The following NRXN3 variants were observed in gnomAD, a reference collection of about 807,000 sequenced individuals.
NRXN3 encodes the protein neurexin 3, also known as neurexin III.
Under a neutral mutation model 137.6 loss-of-function variants are expected in NRXN3, and 32 were observed. The observed-to-expected ratio is 0.23, with a 90% CI of 0.18 to 0.31. The LOEUF (loss-of-function observed/expected upper bound fraction) is 0.31. Among genes scored for constraint, NRXN3 ranks in the 10% least tolerant of loss-of-function variants. The pLI is 1.00. For missense variants in NRXN3, 1,574 were observed against 2,062.5 expected (o/e 0.76, Z 4.59); for synonymous variants, 798 against 784.5 (o/e 1.02, Z -0.29).
rs555322347 is a variant in NRXN3 at position 78,314,663 on chromosome 14, A to T, written c.757+16803A>T. 2.0e-5 allele frequency among the ~76,000 whole-genome samples: 3 copies of T among 152,278 alleles called. No homozygotes were observed. The South Asian group carries it at 6.2e-4, about 32-fold the overall frequency. Reference sequence around the variant, plus strand: ...TTATCTCTGTGCTCAGGAGAACAGGATAAGGGGCCTGGTGGCTACAGTGAC... The same window carrying T: ...TTATCTCTGTGCTCAGGAGAACAGGTTAAGGGGCCTGGTGGCTACAGTGAC... On this transcript the variant is annotated intron_variant, in intron 4 of 20. Transcript: ENST00000335750.
intron 14 of NRXN3, among the ~76,000 whole-genome samples, chr14:78,973,929 A>G (rs1333370314): frequency 6.6e-6 from 1 of 152,212 alleles, no homozygotes; most frequent in Non-Finnish European, 1.5e-5. Context: ...GTTATATGCC[A>G]TGTAGCTAAC....
chr14:79,450,450 A>G (rs953473566), intron 15 of NRXN3, among the ~76,000 whole-genome samples: 2 of 152,232 alleles, frequency 1.3e-5, no homozygotes, highest in African/African-American at 4.8e-5. Flanking sequence ...ACAAAAAATA[A>G]TAAGTATCTG....
intron 15 of NRXN3, among the ~76,000 whole-genome samples, chr14:79,036,236 C>T (rs898090479): frequency 6.6e-6 from 1 of 152,022 alleles, no homozygotes; most frequent in Non-Finnish European, 1.5e-5. Flanking sequence ...TCTTATAACA[C>T]AATTTCAAAG....
intron 19 of NRXN3, among the ~76,000 whole-genome samples, chr14:79,698,585 A>G (rs2098743347): frequency 1.3e-5 from 2 of 152,028 alleles, no homozygotes; most frequent in Non-Finnish European, 2.9e-5. Flanking sequence ...TTTTTGTGGC[A>G]GTTTTTTTCC....
intron 4 of NRXN3, among the ~76,000 whole-genome samples, chr14:78,363,641 G>A (rs371148924): frequency 3.9e-5 from 6 of 152,074 alleles, no homozygotes; most frequent in Admixed American, 2.0e-4. Context: ...TTCCTATTCG[G>A]CCCATGATAA....
intron 4 of NRXN3, among the ~76,000 whole-genome samples, chr14:78,498,666 C>G (rs564473425): frequency 6.6e-6 from 1 of 152,224 alleles, no homozygotes; most frequent in African/African-American, 2.4e-5. Context: ...AATGGAGTAC[C>G]TCTAGAAAAA....
intron 1 of NRXN3, among the ~76,000 whole-genome samples, chr14:78,217,724 C>A (rs4903727): frequency 0.23 from 35,544 of 152,094 alleles, 4,332 homozygotes; most frequent in East Asian, 0.47. Flanking sequence ...TGCAGCGGTG[C>A]GATCTTGGCT....
intron 19 of NRXN3, among the ~76,000 whole-genome samples, chr14:79,725,821 T>G (rs982287577): frequency 1.3e-5 from 2 of 152,166 alleles, no homozygotes; most frequent in African/African-American, 4.8e-5. Flanking sequence ...CTCTACAGTG[T>G]TTTCTGACAG....
chr14:78,805,673 A>G (rs918737069), intron 9 of NRXN3, among the ~76,000 whole-genome samples: 10 of 152,046 alleles, frequency 6.6e-5, no homozygotes, highest in African/African-American at 2.4e-4. Context: ...GACAATTTTT[A>G]TCTCTGGATC....
chr14:78,915,645 A>G (rs1038877436), intron 10 of NRXN3, among the ~76,000 whole-genome samples: 3 of 152,158 alleles, frequency 2.0e-5, no homozygotes, highest in Non-Finnish European at 4.4e-5. Context: ...TCACTGAAAG[A>G]TTCAGATCAG....
chr14:79,504,031 T>C (rs2096849471), intron 16 of NRXN3, among the ~76,000 whole-genome samples: 1 of 152,210 alleles, frequency 6.6e-6, no homozygotes, highest in Admixed American at 6.5e-5. Flanking sequence ...GTTTTGGAGT[T>C]CCACAACAGT....
rs145867263 is a variant in NRXN3 at position 79,807,661 on chromosome 14, G to A, written c.4093+2471G>A. 1.1e-3 allele frequency among the ~76,000 whole-genome samples: 164 copies of A among 152,282 alleles called. 2 individuals are homozygous for A. Among genetic ancestry groups the A allele is most frequent in the African/African-American group, 1.7e-3 (71 of 41,566 alleles). On this transcript the variant is annotated intron_variant, in intron 20 of 20. Coordinates refer to ENST00000335750, the MANE Select transcript of NRXN3 (RefSeq NM_001330195.2). Reference sequence around the variant, plus strand: ...GGAGATACAGTTTTTAGAACAATCTGTTGTGTTCTGTAAGGGAGCATGAGA... The same window carrying A: ...GGAGATACAGTTTTTAGAACAATCTATTGTGTTCTGTAAGGGAGCATGAGA...
intron 2 of NRXN3, among the ~76,000 whole-genome samples, chr14:78,253,437 G>A (rs1205410309): frequency 6.6e-6 from 1 of 151,996 alleles, no homozygotes; most frequent in Non-Finnish European, 1.5e-5. Flanking sequence ...ACTTTGGGAG[G>A]CTGATGATGG....
intron 15 of NRXN3, among the ~76,000 whole-genome samples, chr14:79,441,287 T>C (rs922638107): frequency 6.6e-6 from 1 of 151,514 alleles, no homozygotes. Context: ...GTCTTCATTT[T>C]CAATTCTAAA....
chr14:78,775,939 C>T (rs2098743570), intron 8 of NRXN3, among the ~76,000 whole-genome samples: 1 of 152,088 alleles, frequency 6.6e-6, no homozygotes, highest in Admixed American at 6.5e-5. Context: ...AATCTTGTGC[C>T]ATCCTACTCT....
At chr14:78,367,580 A>G (rs1362013207) in intron 4 of NRXN3, among the ~76,000 whole-genome samples, 1 of 152,202 alleles carries the variant, frequency 6.6e-6, no homozygotes, top group East Asian at 1.9e-4. Context: ...TGTATGTGCC[A>G]TTATCTCCTA....
chr14:79,791,130 G>T (rs554004976), intron 19 of NRXN3: 1 of 152,118 alleles, frequency 6.6e-6, no homozygotes, highest in Non-Finnish European at 1.5e-5. Context: ...GCTGTGGTGG[G>T]CATTGTAATC....
At chr14:79,477,590 C>T (rs143879387) in intron 16 of NRXN3, among the ~76,000 whole-genome samples, 2 of 152,100 alleles carry the variant, frequency 1.3e-5, no homozygotes, top group African/African-American at 4.8e-5. Context: ...TACCAATGAT[C>T]GATTGTTTCT....
intron 4 of NRXN3, among the ~76,000 whole-genome samples, chr14:78,557,699 G>A (rs2096751854): frequency 6.6e-6 from 1 of 152,164 alleles, no homozygotes; most frequent in African/African-American, 2.4e-5. Context: ...ACCTGTGTGA[G>A]TACAAGGCCC....
Sources: allele counts gnomAD v4.1 joint callset (sites outside exome capture counted in the v4.1 genomes callset), GRCh38; gene constraint gnomAD v4.1.1; transcripts MANE v1.5; gene names NCBI Gene and HGNC (gene_info 2026-07-23, HGNC 2026-07-21).